Variants in CERS5 observed in about 807,000 individuals in gnomAD.
CERS5 encodes the protein LAG1 homolog, ceramide synthase 5.
A neutral mutation model predicts 58.9 loss-of-function variants in CERS5; 37 were observed. That is an observed-to-expected ratio of 0.63 (90% CI 0.48 to 0.83). The LOEUF is 0.83. CERS5 is among the 40% of genes least tolerant of loss of function. The probability of loss-of-function intolerance (pLI) is 0.00; values close to 1 mark genes in which losing one functional copy is unlikely to be tolerated. For synonymous variants in CERS5, 147 were observed against 177.8 expected, an observed-to-expected ratio of 0.83 and a Z score of 1.38; for missense variants, 398 against 489.3, an observed-to-expected ratio of 0.81 and a Z score of 1.76.
intron 1 of CERS5, among the ~76,000 whole-genome samples, chr12:50,148,904 CAAA>C (rs71083511): frequency 2.8e-3 from 202 of 71,978 alleles, no homozygotes; most frequent in South Asian, 4.5e-3. Flanking sequence ...GACTCCATCT[CAAA>C]AAAAAAAAAA....
intron 1 of CERS5, among the ~76,000 whole-genome samples, chr12:50,150,047 T>G (rs1389228862): frequency 6.6e-6 from 1 of 152,232 alleles, no homozygotes; most frequent in African/African-American, 2.4e-5. Flanking sequence ...CAGCCACAAA[T>G]GTTATTTTTT....
chr12:50,131,419 T>G (rs996301094), intron 9 of CERS5, among the ~76,000 whole-genome samples: 1 of 151,146 alleles, frequency 6.6e-6, no homozygotes, highest in Admixed American at 6.6e-5. Flanking sequence ...ATTAGCCGGG[T>G]GTGGTGGCGC....
intron 8 of CERS5, among the ~76,000 whole-genome samples, chr12:50,135,223 GA>G (rs1951600873): frequency 1.0e-5 from 1 of 98,742 alleles, no homozygotes; most frequent in African/African-American, 4.1e-5. Context: ...GAGGGAGAGA[GA>G]GGAGGACAGG....
In CERS5 at chr12:50,148,337, TG is replaced by T. The variant is rs904821617; in HGVS notation, c.198-4281del. On this transcript the variant is annotated intron_variant, in intron 1 of 9. Transcript: ENST00000317551. ...TAGGCTGTATGCGGTGGCTCATGCC[TG>T]TAATCCCAGCACTTCGGGAGTCTGA... The T allele has an allele frequency of 3.0e-5, 5 of 167,270 alleles. No individual in the cohort carries two copies. In the South Asian group the frequency reaches 3.1e-4, roughly 10 times the overall value. 10.4% of individuals were successfully genotyped at this position (167,270 alleles called of 1,614,324 possible).
At position 50,143,058 on chromosome 12, in the gene CERS5, C is replaced by G. The variant is rs754268188; in HGVS notation, c.434+16G>C. On this transcript the variant is annotated intron_variant, in intron 3 of 9. Transcript: ENST00000317551. Reference sequence around the variant, plus strand: ...ACCGTCTTCCTTATTCCCTCCCTCCCTCCTTGCGTACTTACATGCTTTCAC... The same window carrying G: ...ACCGTCTTCCTTATTCCCTCCCTCCGTCCTTGCGTACTTACATGCTTTCAC... 3 of 1,590,542 alleles carry G rather than the reference C, an allele frequency of 1.9e-6. No homozygotes were observed.
rs57888855 is a variant in CERS5 at position 50,134,071 on chromosome 12, GAAAA to G, written c.1029+471_1029+474del. The stretch of plus-strand genomic sequence containing the variant: ...TGGGCAACAGAGCGAGATTCCATCT[GAAAA>G]AAAAAAAAAAAAAAGGTAAAACAGG... On this transcript the variant is annotated intron_variant, in intron 9 of 9. Coordinates refer to ENST00000317551, the MANE Select transcript of CERS5 (RefSeq NM_147190.5). The G allele has an allele frequency of 1.1e-4, 9 of 79,676 alleles. No homozygotes were observed. In the East Asian group the frequency reaches 2.0e-3, roughly 17 times the overall value. 4.9% of individuals were successfully genotyped at this position (79,676 alleles called of 1,614,324 possible). A position where few individuals can be genotyped will look rare whatever the true frequency, so the allele number is the denominator to read the frequency against.
Position 50,167,126 on chromosome 12 carries a change from AG to A in CERS5, c.171del (p.Phe58SerfsTer3). 5 of 1,564,220 alleles carry A rather than the reference AG, an allele frequency of 3.2e-6. No homozygotes were observed. Among genetic ancestry groups the A allele is most frequent in the Non-Finnish European group, 4.3e-6 (5 of 1,159,800 alleles). On this transcript the variant is annotated frameshift_variant, in exon 1 of 10. Transcript: ENST00000317551. LOFTEE classifies it high-confidence loss of function. ...CGCTCGAAGAGCAGCCTCACGAAGA[AG>A]ATGCCCGCCGCCAGCGGGAACACCG... is the stretch of plus-strand genomic sequence containing the variant. Reference protein sequence around the residue: ...ILSVFPLAAGIFFVRLLFERF... With the variant: ...ILSVFPLAAGXFFVRLLFERF...
At chr12:50,162,401 T>A (rs370939558) in intron 1 of CERS5, among the ~76,000 whole-genome samples, 1 of 152,104 alleles carries the variant, frequency 6.6e-6, no homozygotes, top group Admixed American at 6.6e-5. Flanking sequence ...CTGAAGGATG[T>A]TTCTAAGCCT....
chr12:50,130,629 TG>T lies in CERS5; in HGVS notation c.1094del (p.Thr365LysfsTer16). On this transcript the variant is annotated frameshift_variant, in exon 10 of 10. Coordinates refer to ENST00000317551, the MANE Select transcript of CERS5 (RefSeq NM_147190.5). LOFTEE classifies it high-confidence loss of function. ...SSEEEDVTTCTKSPCDSSSSN... is the reference protein window; with the variant it reads ...SSEEEDVTTCXKSPCDSSSSN... ...TGGAGCTACTGTCACAGGGACTTTTTGTGCAGGTGGTCACATCTTCTTCCTC... is the reference window on the plus strand; with the variant it reads ...TGGAGCTACTGTCACAGGGACTTTTTTGCAGGTGGTCACATCTTCTTCCTC... 6.2e-7 allele frequency: 1 copy of T among 1,612,796 alleles called. No homozygotes were observed.
chr12:50,133,782 A>G, intron 9 of CERS5: 1 of 985,774 alleles, frequency 1.0e-6, no homozygotes, highest in Non-Finnish European at 1.2e-6. Flanking sequence ...CTTAAAAGGT[A>G]AAACAGGCAG....
At chr12:50,144,723 T>G (rs1267852846) in intron 1 of CERS5, 1 of 1,115,176 alleles carries the variant, frequency 9.0e-7, no homozygotes, top group Non-Finnish European at 1.3e-6. Context: ...TCTATCGTAG[T>G]CTCAGATCTA....
Position 50,158,449 on chromosome 12 carries a change from T to C in CERS5, c.197+8652A>G, listed in dbSNP as rs1938904312. 3.9e-5 allele frequency among the ~76,000 whole-genome samples: 6 copies of C among 152,306 alleles called. 1 individual carries two copies. In the South Asian group the frequency reaches 1.2e-3, roughly 32 times the overall value. On this transcript the variant is annotated intron_variant, in intron 1 of 9. Transcript: ENST00000317551. ...GTCCAACTTCTAAAACCATCACATA[T>C]AGTTTGATATGACATATCCTAAGCT...
intron 4 of CERS5, among the ~76,000 whole-genome samples, chr12:50,139,963 G>T (rs1398409306): frequency 1.6e-5 from 2 of 124,946 alleles, no homozygotes; most frequent in African/African-American, 6.9e-5. Context: ...GGGCTTAAGT[G>T]ATCCTCCTAC....
intron 8 of CERS5, 193 bp from the exon 9 acceptor site, chr12:50,134,895 C>A: frequency 1.8e-6 from 1 of 563,672 alleles, no homozygotes; most frequent in South Asian, 2.3e-5. Flanking sequence ...TCCTTAGGGA[C>A]AGAGAAAGAT....
chr12:50,153,028 C>A (rs1938149178), intron 1 of CERS5, among the ~76,000 whole-genome samples: 1 of 151,876 alleles, frequency 6.6e-6, no homozygotes, highest in Non-Finnish European at 1.5e-5. Flanking sequence ...TGAGATCCTG[C>A]CACTGCACTC....
intron 1 of CERS5, among the ~76,000 whole-genome samples, chr12:50,159,277 C>T (rs1303682446): frequency 3.3e-5 from 5 of 151,986 alleles, no homozygotes; most frequent in East Asian, 3.9e-4. Context: ...GCCGAGATCC[C>T]GCCACTGCAC....
intron 3 of CERS5, 26 bp from the exon 4 acceptor site, chr12:50,142,136 G>A (rs1330566283): frequency 2.6e-6 from 4 of 1,512,616 alleles, no homozygotes; most frequent in East Asian, 2.3e-5. Flanking sequence ...GTAAAGGTTA[G>A]ACAAATGTCC....
intron 5 of CERS5, 60 bp from the exon 6 acceptor site, chr12:50,137,880 C>A: frequency 8.9e-7 from 1 of 1,128,658 alleles, no homozygotes; most frequent in Non-Finnish European, 1.3e-6. Context: ...TCCATCTCTC[C>A]AACTTTCTCT....
chr12:50,150,093 A>T (rs754490324), intron 1 of CERS5, among the ~76,000 whole-genome samples: 10 of 152,230 alleles, frequency 6.6e-5, no homozygotes, highest in Non-Finnish European at 1.3e-4. Context: ...GAGAAGTACC[A>T]GCTTAGATCA....
Sources: allele counts gnomAD v4.1 joint callset (sites outside exome capture counted in the v4.1 genomes callset), GRCh38; gene constraint gnomAD v4.1.1; transcripts MANE v1.5; gene names NCBI Gene and HGNC (gene_info 2026-07-23, HGNC 2026-07-21).